Variants in EPHA5 observed in about 807,000 individuals in gnomAD.
The protein encoded by EPHA5 is ephrin type-A receptor 5.
Under a neutral mutation model 105.0 loss-of-function variants are expected in EPHA5, and 60 were observed. The ratio of observed to expected loss-of-function variants is 0.57; its 90% CI spans 0.46 to 0.71. The LOEUF is 0.71. EPHA5 is among the 30% of genes least tolerant of loss of function. The pLI is 0.00. For synonymous variants in EPHA5, 513 were observed against 449.1 expected, an observed-to-expected ratio of 1.14 and a Z score of -1.80; for missense variants, 1,218 against 1,274.7, an observed-to-expected ratio of 0.96 and a Z score of 0.68.
intron 5 of EPHA5, among the ~76,000 whole-genome samples, chr4:65,451,846 G>C (rs1271861989): frequency 1.3e-5 from 2 of 152,138 alleles, no homozygotes; most frequent in Non-Finnish European, 2.9e-5. Context: ...AATGAGAAGA[G>C]TCTGTGAAAG....
chr4:65,636,891 C>T (rs1747169714), intron 2 of EPHA5, among the ~76,000 whole-genome samples: 3 of 152,040 alleles, frequency 2.0e-5, no homozygotes, highest in African/African-American at 7.2e-5. Context: ...TACTTCACTG[C>T]TGTAGCCCCA....
intron 3 of EPHA5, among the ~76,000 whole-genome samples, chr4:65,504,334 C>T (rs1476276144): frequency 6.8e-6 from 1 of 147,936 alleles, no homozygotes; most frequent in Non-Finnish European, 1.5e-5. Context: ...CCATTACCAG[C>T]AAAGTTAGAA....
At chr4:65,497,794 T>G (rs929776254) in intron 3 of EPHA5, among the ~76,000 whole-genome samples, 1 of 152,028 alleles carries the variant, frequency 6.6e-6, no homozygotes, top group Admixed American at 6.6e-5. Context: ...TAAAATAATA[T>G]AAATCGAAGT....
intron 7 of EPHA5, among the ~76,000 whole-genome samples, chr4:65,407,143 C>A (rs1447393798): frequency 1.3e-5 from 2 of 152,046 alleles, no homozygotes; most frequent in Admixed American, 6.6e-5. Context: ...TTTCCCTGAT[C>A]AAAAACTTTA....
At chr4:65,513,926 A>C (rs956773680) in intron 3 of EPHA5, among the ~76,000 whole-genome samples, 2 of 152,054 alleles carry the variant, frequency 1.3e-5, no homozygotes, top group Non-Finnish European at 2.9e-5. Context: ...TTTGTTTTTG[A>C]ATCCACCTGT....
chr4:65,596,166 C>T (rs1045089406), intron 3 of EPHA5, among the ~76,000 whole-genome samples: 1 of 152,134 alleles, frequency 6.6e-6, no homozygotes, highest in Non-Finnish European at 1.5e-5. Flanking sequence ...AGTCCATAAA[C>T]ATATCTATAA....
chr4:65,581,069 C>T (rs1248086311), intron 3 of EPHA5, among the ~76,000 whole-genome samples: 2 of 151,822 alleles, frequency 1.3e-5, no homozygotes, highest in Non-Finnish European at 3.0e-5. Flanking sequence ...CTATCTTCAA[C>T]TAGGAAAAGG....
chr4:65,446,699 G>A (rs1477324791), intron 5 of EPHA5, among the ~76,000 whole-genome samples: 1 of 152,026 alleles, frequency 6.6e-6, no homozygotes, highest in Non-Finnish European at 1.5e-5. Flanking sequence ...TGGGGTGCAT[G>A]TATGGACATA....
At chr4:65,593,605 C>T (rs376195652) in intron 3 of EPHA5, among the ~76,000 whole-genome samples, 378 of 152,296 alleles carry the variant, frequency 2.5e-3, no homozygotes, top group African/African-American at 8.8e-3. Flanking sequence ...GTCCATGTAT[C>T]ATTTCTAAGT....
intron 10 of EPHA5, among the ~76,000 whole-genome samples, chr4:65,365,622 T>C (rs1198114783): frequency 7.2e-6 from 1 of 138,156 alleles, no homozygotes; most frequent in Non-Finnish European, 1.6e-5. Context: ...CTGAATTACA[T>C]AAATACTTTT....
chr4:65,563,971 T>C (rs1424436191), intron 3 of EPHA5, among the ~76,000 whole-genome samples: 1 of 151,948 alleles, frequency 6.6e-6, no homozygotes, highest in Non-Finnish European at 1.5e-5. Context: ...TCTCAAACTA[T>C]TTTTTGCCAA....
Position 65,577,295 on chromosome 4 carries a change from T to C in EPHA5, c.910+24346A>G, listed in dbSNP as rs990289285. On this transcript the variant is annotated intron_variant, in intron 3 of 16. Coordinates refer to ENST00000613740, the MANE Select transcript of EPHA5 (RefSeq NM_001281766.3). Reference sequence around the variant, plus strand: ...GTTTTTAAAATGTCTTTTCTACCTATTGAACCTCAGTATTTGCAGGTTTCC... The same window carrying C: ...GTTTTTAAAATGTCTTTTCTACCTACTGAACCTCAGTATTTGCAGGTTTCC... Among the ~76,000 whole-genome samples the C allele has an allele frequency of 7.2e-5, 11 of 152,318 alleles. No individual in the cohort carries two copies. The East Asian group carries it at 1.7e-3, about 24-fold the overall frequency.
intron 8 of EPHA5, among the ~76,000 whole-genome samples, chr4:65,385,522 A>G (rs1011249959): frequency 1.3e-5 from 2 of 151,954 alleles, no homozygotes; most frequent in Non-Finnish European, 2.9e-5. Context: ...TCACATTTTC[A>G]TATCACACTA....
At chr4:65,369,835 C>T in intron 8 of EPHA5, among the ~76,000 whole-genome samples, 1 of 151,988 alleles carries the variant, frequency 6.6e-6, no homozygotes, top group East Asian at 1.9e-4. Flanking sequence ...GGCATGGTGG[C>T]AGGCACCTGT....
At chr4:65,553,293 C>T (rs1283236596) in intron 3 of EPHA5, among the ~76,000 whole-genome samples, 1 of 152,024 alleles carries the variant, frequency 6.6e-6, no homozygotes, top group African/African-American at 2.4e-5. Context: ...ATCTCCTTGC[C>T]TTCAAAGTCC....
intron 15 of EPHA5, 88 bp downstream of exon 15, chr4:65,335,844 A>T: frequency 7.4e-7 from 1 of 1,347,534 alleles, no homozygotes; most frequent in Non-Finnish European, 1.0e-6. Context: ...ATTAATGTCT[A>T]TACGAGAATG....
chr4:65,564,531 T>C (rs1353452383), intron 3 of EPHA5, among the ~76,000 whole-genome samples: 4 of 151,820 alleles, frequency 2.6e-5, no homozygotes, highest in Non-Finnish European at 5.9e-5. Context: ...TATTGTATCA[T>C]TTTATAAGCA....
chr4:65,629,428 G>A (rs533755052), intron 2 of EPHA5, among the ~76,000 whole-genome samples: 1 of 152,236 alleles, frequency 6.6e-6, no homozygotes, highest in South Asian at 2.1e-4. Flanking sequence ...GGAAAAGAAT[G>A]ATGATAAATA....
intron 3 of EPHA5, among the ~76,000 whole-genome samples, chr4:65,593,705 C>G (rs1578521417): frequency 6.6e-6 from 1 of 152,144 alleles, no homozygotes; most frequent in African/African-American, 2.4e-5. Context: ...AGGGCTCAAT[C>G]TGGTTTTGTA....
Sources: gnomAD v4.1 joint callset for allele counts (sites outside exome capture counted in the v4.1 genomes callset) on GRCh38, gnomAD v4.1.1 for gene constraint, MANE v1.5 for transcripts, NCBI Gene and HGNC (gene_info 2026-07-23, HGNC 2026-07-21) for gene names.